The following DMGDH variants were observed in gnomAD, a reference collection of about 807,000 sequenced individuals.
DMGDH encodes dimethylglycine dehydrogenase, also known as dimethylglycine dehydrogenase, mitochondrial.
A neutral mutation model predicts 95.2 loss-of-function variants in DMGDH; 76 were observed. The observed-to-expected ratio is 0.80, with a 90% CI of 0.66 to 0.97. The LOEUF (loss-of-function observed/expected upper bound fraction) is 0.97. Ranked by LOEUF, DMGDH falls within the 50% of genes least tolerant of loss-of-function variation. The pLI is 0.00. For synonymous variants in DMGDH, 345 were observed against 377.6 expected, an observed-to-expected ratio of 0.91 and a Z score of 1.00; for missense variants, 987 against 1,055.0, an observed-to-expected ratio of 0.94 and a Z score of 0.89.
At chr5:79,004,413 C>A (rs78577966) in intron 15 of DMGDH, among the ~76,000 whole-genome samples, 10,208 of 152,110 alleles carry the variant, frequency 0.067, 380 homozygotes, top group Non-Finnish European at 0.077. Flanking sequence ...GCAGTGAATA[C>A]GAAAAAAACC....
intron 5 of DMGDH, among the ~76,000 whole-genome samples, chr5:79,049,051 A>T (rs1754760687): frequency 6.6e-6 from 1 of 152,294 alleles, no homozygotes; most frequent in African/African-American, 2.4e-5. Flanking sequence ...ATGCAGGGCC[A>T]CACTGTCCTA....
intron 14 of DMGDH, among the ~76,000 whole-genome samples, chr5:79,006,554 G>A (rs1050006409): frequency 5.3e-5 from 8 of 152,174 alleles, no homozygotes; most frequent in South Asian, 4.1e-4. Context: ...TATATAAATC[G>A]TATCTATGGT....
chr5:79,036,009 G>A (rs1692758454), intron 7 of DMGDH, among the ~76,000 whole-genome samples: 1 of 152,166 alleles, frequency 6.6e-6, no homozygotes, highest in South Asian at 2.1e-4. Context: ...ATAAAAGTAT[G>A]GGGAAAAGAT....
chr5:79,069,018 T>G (rs1232177976), intron 1 of DMGDH, among the ~76,000 whole-genome samples: 1 of 152,228 alleles, frequency 6.6e-6, no homozygotes, highest in Admixed American at 6.5e-5. Flanking sequence ...CAAAGATAGA[T>G]GCCTAAGAAT....
chr5:79,065,149 C>G (rs182588127), intron 1 of DMGDH, among the ~76,000 whole-genome samples: 2 of 152,120 alleles, frequency 1.3e-5, no homozygotes, highest in African/African-American at 4.8e-5. Context: ...ACCTCCAAAT[C>G]TTGTCCCACT....
chr5:79,005,120 TTCTG>T (rs2112599355), intron 15 of DMGDH, among the ~76,000 whole-genome samples, 149 bp downstream of exon 15: 1 of 152,370 alleles, frequency 6.6e-6, no homozygotes, highest in South Asian at 2.1e-4. Flanking sequence ...GTCAATTGCG[TTCTG>T]TCTTTTGAAT....
rs745380831 is a variant in DMGDH, at chr5:79,029,892, G to C, written c.1814+12C>G. 6.2e-7 allele frequency: 1 copy of C among 1,613,698 alleles called. No individual in the cohort carries two copies. Among genetic ancestry groups the C allele is most frequent in the Non-Finnish European group, 8.5e-7 (1 of 1,179,782 alleles). ...AATGTGTACAAAATTTTCTTACTAG[G>C]TGTGCACTTACCTAAGATCATGAAG... On this transcript the variant is annotated intron_variant, in intron 11 of 15. Transcript: ENST00000255189.
chr5:79,031,384 GT>G (rs941781710), intron 9 of DMGDH, among the ~76,000 whole-genome samples: 1 of 152,338 alleles, frequency 6.6e-6, no homozygotes, highest in Non-Finnish European at 1.5e-5. Context: ...TTAAATCAGA[GT>G]GTCTGGGTTG....
At chr5:78,999,020 A>G (rs542908566) in intron 15 of DMGDH, among the ~76,000 whole-genome samples, 1 of 152,358 alleles carries the variant, frequency 6.6e-6, no homozygotes, top group South Asian at 2.1e-4. Flanking sequence ...AAAACACGAT[A>G]TATAGCCCTG....
At chr5:79,050,273 A>T (rs11949663) in intron 5 of DMGDH, among the ~76,000 whole-genome samples, 569 of 20,846 alleles carry the variant, frequency 0.027, 9 homozygotes, top group African/African-American at 0.087. Context: ...AAAAAAAAAA[A>T]ATATATATAT....
intron 15 of DMGDH, among the ~76,000 whole-genome samples, chr5:79,001,464 A>G (rs1377549808): frequency 1.3e-5 from 2 of 152,174 alleles, no homozygotes; most frequent in African/African-American, 4.8e-5. Context: ...TGCCTGGCTT[A>G]ATCATTGCTT....
Position 79,005,350 on chromosome 5 carries a change from G to A in DMGDH, c.2308C>T (p.Arg770Ter), listed in dbSNP as rs779863966. Reference protein sequence around the residue: ...LKQIKAKGLKRRLVCLTLATD... With the variant: ...LKQIKAKGLK The stretch of plus-strand genomic sequence containing the variant: ...GCCAAGGTGAGGCAGACCAGTCTTC[G>A]TTTCAGCCCCTTGGCTTTAATCTGT... Residue 770 changes from arginine to a stop codon, truncating the protein, a stop_gained, in exon 15 of 16, where the codon CGA becomes TGA. Transcript: ENST00000255189. LOFTEE classifies it high-confidence loss of function. 1.8e-5 allele frequency: 29 copies of A among 1,613,786 alleles called. No individual in the cohort carries two copies. Among genetic ancestry groups the A allele is most frequent in the Admixed American group, 5.0e-5 (3 of 59,958 alleles).
intron 5 of DMGDH, among the ~76,000 whole-genome samples, chr5:79,049,554 T>C (rs1254058809): frequency 1.3e-5 from 2 of 152,148 alleles, no homozygotes; most frequent in African/African-American, 2.4e-5. Context: ...ATGAAAACAG[T>C]CAAATGTTTT....
At chr5:79,058,615 T>A (rs1755100598) in intron 2 of DMGDH, among the ~76,000 whole-genome samples, 1 of 152,104 alleles carries the variant, frequency 6.6e-6, no homozygotes, top group Non-Finnish European at 1.5e-5. Flanking sequence ...GAAAGGAGTT[T>A]AGCTGTCGTT....
At chr5:79,041,388 A>G (rs1754502246) in intron 7 of DMGDH, among the ~76,000 whole-genome samples, 1 of 152,250 alleles carries the variant, frequency 6.6e-6, no homozygotes, top group African/African-American at 2.4e-5. Context: ...AAGATGTGAT[A>G]TGATAGTTGA....
At chr5:79,067,646 G>A (rs1755415586) in intron 1 of DMGDH, among the ~76,000 whole-genome samples, 1 of 152,152 alleles carries the variant, frequency 6.6e-6, no homozygotes, top group Non-Finnish European at 1.5e-5. Flanking sequence ...CCTCGGCCCA[G>A]CATGCCATAA....
At chr5:78,999,175 G>C (rs886187218) in intron 15 of DMGDH, among the ~76,000 whole-genome samples, 1 of 152,164 alleles carries the variant, frequency 6.6e-6, no homozygotes, top group African/African-American at 2.4e-5. Flanking sequence ...TCAGCAAAGA[G>C]CACATTACAA....
chr5:79,040,558 A>G (rs889331241), intron 7 of DMGDH, among the ~76,000 whole-genome samples: 1 of 152,254 alleles, frequency 6.6e-6, no homozygotes, highest in Non-Finnish European at 1.5e-5. Flanking sequence ...GACAATGGTT[A>G]CTTGTATATG....
chr5:79,046,928 C>T (rs1324830601), intron 5 of DMGDH, among the ~76,000 whole-genome samples: 1 of 151,992 alleles, frequency 6.6e-6, no homozygotes, highest in African/African-American at 2.4e-5. Flanking sequence ...TTTCTGAGTC[C>T]AACTGCTTGC....
Sources: gnomAD v4.1 joint callset for allele counts (sites outside exome capture counted in the v4.1 genomes callset) on GRCh38, gnomAD v4.1.1 for gene constraint, MANE v1.5 for transcripts, NCBI Gene and HGNC (gene_info 2026-07-23, HGNC 2026-07-21) for gene names.